CASP9: variants seen among roughly 807,000 people sequenced by gnomAD.
CASP9 encodes caspase 9.
A neutral mutation model predicts 43.5 loss-of-function variants in CASP9; 29 were observed. That is an observed-to-expected ratio of 0.67 (90% CI 0.50 to 0.91). The LOEUF is 0.91. Among genes scored for constraint, CASP9 ranks in the 40% least tolerant of loss-of-function variants. The probability of loss-of-function intolerance (pLI) is 0.00; values close to 1 mark genes in which losing one functional copy is unlikely to be tolerated. For synonymous variants in CASP9, 206 were observed against 211.9 expected (o/e 0.97, Z 0.24); for missense variants, 575 against 537.4 (o/e 1.07, Z -0.69).
intron 2 of CASP9, among the ~76,000 whole-genome samples, chr1:15,517,800 C>CA (rs1322225020): frequency 6.6e-6 from 1 of 151,674 alleles, no homozygotes; most frequent in Admixed American, 6.6e-5. Context: ...AAGGCAAATC[C>CA]AAAACAATAG....
intron 3 of CASP9, 71 bp downstream of exon 3, chr1:15,507,802 G>A (rs2020903): frequency 0.54 from 798,225 of 1,485,308 alleles, 218,191 homozygotes; most frequent in African/African-American, 0.7. Flanking sequence ...CACCTGCAGG[G>A]AAGGACCTGA....
chr1:15,520,235 T>C (rs573937409), intron 1 of CASP9, among the ~76,000 whole-genome samples: 1 of 152,334 alleles, frequency 6.6e-6, no homozygotes, highest in South Asian at 2.1e-4. Context: ...AGTAACCATA[T>C]ATCACATGAC....
At chr1:15,524,382 G>T, upstream of CASP9, 1 of 1,353,458 alleles carries the variant, frequency 7.4e-7, no homozygotes, top group South Asian at 1.7e-5. Context: ...CCCAGGAGTC[G>T]CTCTTGCGTC....
At chr1:15,518,572 A>G (rs1044219048) in intron 1 of CASP9, among the ~76,000 whole-genome samples, 177 bp from the exon 2 acceptor site, 1 of 152,224 alleles carries the variant, frequency 6.6e-6, no homozygotes, top group Non-Finnish European at 1.5e-5. Context: ...ATTATTTTGC[A>G]GGGCAAAAGA....
At chr1:15,514,551 T>C (rs1204926841) in intron 2 of CASP9, among the ~76,000 whole-genome samples, 1 of 152,224 alleles carries the variant, frequency 6.6e-6, no homozygotes, top group African/African-American at 2.4e-5. Context: ...CCTAGCTCTG[T>C]ACTGGAACTC....
At chr1:15,504,415 T>A (rs1709439036) in intron 6 of CASP9, among the ~76,000 whole-genome samples, 196 bp downstream of exon 6, 1 of 152,218 alleles carries the variant, frequency 6.6e-6, no homozygotes, top group South Asian at 2.1e-4. Flanking sequence ...AACAGAAGAC[T>A]CTGACCTCTA....
Position 15,509,241 on chromosome 1 carries a change from C to T in CASP9, c.419-1334G>A, listed in dbSNP as rs192862169. Among the ~76,000 whole-genome samples, 58 of 152,250 alleles carry T rather than the reference C, an allele frequency of 3.8e-4. 1 individual carries two copies. The East Asian group carries it at 8.7e-3, about 23-fold the overall frequency. On this transcript the variant is annotated intron_variant, in intron 2 of 8. Transcript: ENST00000333868. ...ACTGTATGTCCGTGTCCTAGTCTTC[C>T]GTGGCTGTGAAGACAATGAATCTTG...
Position 15,518,274 on chromosome 1 carries a change from A to C in CASP9, c.254T>G (p.Leu85Arg). ...SCLEDTGQDMLASFLRTNRQA... is the reference protein window; with the variant it reads ...SCLEDTGQDMRASFLRTNRQA... ...CCTGTTAGTTCGCAGAAACGAAGCC[A>C]GCATGTCCTGGCCTGTGTCCTCTAA... The change falls in exon 2 of 9, where the codon CTG (leucine) becomes CGG (arginine). Residue 85 changes from leucine (L) to arginine (R), a missense_variant. Physicochemically the swap from Leu to Arg is moderately radical, Grantham distance 102. Coordinates refer to ENST00000333868, the MANE Select transcript of CASP9 (RefSeq NM_001229.5). The C allele has an allele frequency of 6.2e-7, 1 of 1,614,238 alleles. No individual in the cohort carries two copies. Among genetic ancestry groups the C allele is most frequent in the Non-Finnish European group, 8.5e-7 (1 of 1,180,044 alleles).
chr1:15,497,642 A>C (rs1020178606), intron 6 of CASP9, among the ~76,000 whole-genome samples: 1 of 96,866 alleles, frequency 1.0e-5, no homozygotes, highest in Non-Finnish European at 2.0e-5. Flanking sequence ...ACTCTGTCTC[A>C]AGAAAAAAAA....
intron 6 of CASP9, among the ~76,000 whole-genome samples, chr1:15,502,976 G>A (rs375195409): frequency 2.6e-5 from 4 of 152,162 alleles, no homozygotes; most frequent in East Asian, 1.9e-4. Context: ...TGGCGACAGC[G>A]GGGTGGGGGA....
intron 2 of CASP9, among the ~76,000 whole-genome samples, chr1:15,516,578 T>C (rs1254259384): frequency 6.6e-6 from 1 of 152,176 alleles, no homozygotes; most frequent in African/African-American, 2.4e-5. Context: ...TAGGCTCATG[T>C]AGTCCTCCTG....
chr1:15,494,194 T>C (rs1044509704), intron 7 of CASP9, among the ~76,000 whole-genome samples, 193 bp from the exon 8 acceptor site: 20 of 152,124 alleles, frequency 1.3e-4, no homozygotes, highest in Non-Finnish European at 2.6e-4. Context: ...CATCCCCTGA[T>C]TCCGGCTATA....
rs558000492 is a variant in CASP9 at position 15,491,514 on chromosome 1, T to C, written c.*1429A>G. 140 of 637,990 alleles carry C rather than the reference T, an allele frequency of 2.2e-4. 1 individual carries two copies. The South Asian group carries it at 2.8e-3, about 13-fold the overall frequency. 39.5% of individuals were successfully genotyped at this position (637,990 alleles called of 1,614,324 possible). A position where few individuals can be genotyped will look rare whatever the true frequency, so the allele number is the denominator to read the frequency against. On this transcript the variant is annotated 3_prime_UTR_variant, in exon 9 of 9. Transcript: ENST00000333868. Reference sequence around the variant, plus strand: ...GGCTCAAGCCTGTAACCCCTGCACTTTGGGAGGCTAAGGCAGGCTGATCGC... The same window carrying C: ...GGCTCAAGCCTGTAACCCCTGCACTCTGGGAGGCTAAGGCAGGCTGATCGC...
intron 6 of CASP9, among the ~76,000 whole-genome samples, chr1:15,498,968 A>G (rs1199807273): frequency 6.6e-6 from 1 of 151,440 alleles, no homozygotes; most frequent in Non-Finnish European, 1.5e-5. Flanking sequence ...TGATCTCCTG[A>G]CCTCGTGATC....
intron 6 of CASP9, among the ~76,000 whole-genome samples, chr1:15,496,799 C>A (rs1008685046): frequency 1.3e-5 from 2 of 152,134 alleles, no homozygotes; most frequent in Non-Finnish European, 2.9e-5. Context: ...GAGGCTGAGG[C>A]AGGAGGATCC....
intron 3 of CASP9, 57 bp downstream of exon 3, chr1:15,507,816 G>A: frequency 6.4e-7 from 1 of 1,557,478 alleles, no homozygotes; most frequent in Non-Finnish European, 8.9e-7. Context: ...GACCTGAGGG[G>A]TGGGGAGGGA....
chr1:15,517,233 T>C (rs1709985353), intron 2 of CASP9, among the ~76,000 whole-genome samples: 1 of 152,120 alleles, frequency 6.6e-6, no homozygotes, highest in Non-Finnish European at 1.5e-5. Flanking sequence ...CAGAATGCCA[T>C]GTAGAAATTA....
chr1:15,505,577 G>A (rs557555995), intron 5 of CASP9, among the ~76,000 whole-genome samples: 44 of 152,318 alleles, frequency 2.9e-4, no homozygotes, highest in African/African-American at 1.1e-3. Flanking sequence ...TAATCACAGT[G>A]ACAAATACGT....
chr1:15,493,791 T>G (rs866836916), intron 8 of CASP9, 101 bp downstream of exon 8: 3 of 1,535,210 alleles, frequency 2.0e-6, no homozygotes, highest in Admixed American at 2.0e-5. Context: ...CTTTTACCCT[T>G]GGTTTGGGCC....
Sources: allele counts gnomAD v4.1 joint callset (sites outside exome capture counted in the v4.1 genomes callset), GRCh38; gene constraint gnomAD v4.1.1; transcripts MANE v1.5; gene names NCBI Gene and HGNC (gene_info 2026-07-23, HGNC 2026-07-21).